Variants in SFI1 observed in about 807,000 individuals in gnomAD.
SFI1 encodes SFI1 centrin binding protein, also known as protein SFI1 homolog.
Under a neutral mutation model 207.5 loss-of-function variants are expected in SFI1, and 195 were observed. The observed-to-expected ratio is 0.94, with a 90% CI of 0.84 to 1.06. The LOEUF is 1.06. Among genes scored for constraint, SFI1 ranks in the 50% least tolerant of loss-of-function variants. SFI1 has a pLI of 0.00. For missense variants in SFI1, 1,634 were observed against 1,588.0 expected, an observed-to-expected ratio of 1.03 and a Z score of -0.49; for synonymous variants, 630 against 598.9, an observed-to-expected ratio of 1.05 and a Z score of -0.76.
At chr22:31,592,670 C>T (rs2066203949) in intron 15 of SFI1, among the ~76,000 whole-genome samples, 2 of 77,902 alleles carry the variant, frequency 2.6e-5, no homozygotes, top group South Asian at 5.1e-4. Context: ...GGCGGCTGGC[C>T]GGGCGGGGGG....
At chr22:31,589,384 C>T in intron 14 of SFI1, 63 bp from the exon 15 acceptor site, 1 of 1,410,290 alleles carries the variant, frequency 7.1e-7, no homozygotes, top group Non-Finnish European at 9.4e-7. Flanking sequence ...GGGTGTGACC[C>T]TGAGAGGTCA....
intron 1 of SFI1, among the ~76,000 whole-genome samples, chr22:31,498,168 A>G (rs1049901173): frequency 6.6e-6 from 1 of 152,054 alleles, no homozygotes; most frequent in African/African-American, 2.4e-5. Flanking sequence ...GGTGGCGGGC[A>G]CCCATAATCC....
chr22:31,501,159 A>G (rs571919369), intron 1 of SFI1, among the ~76,000 whole-genome samples: 2 of 149,944 alleles, frequency 1.3e-5, no homozygotes, highest in Non-Finnish European at 1.5e-5. Context: ...ACACTTAACT[A>G]CAAGTGTAGA....
chr22:31,576,603 G>T (rs538607084), intron 10 of SFI1, among the ~76,000 whole-genome samples: 4 of 152,032 alleles, frequency 2.6e-5, no homozygotes, highest in African/African-American at 9.6e-5. Context: ...TTACCGGCGT[G>T]AGCCACCGCG....
chr22:31,570,714 C>G (rs2062859486), intron 8 of SFI1, among the ~76,000 whole-genome samples: 1 of 151,830 alleles, frequency 6.6e-6, no homozygotes, highest in African/African-American at 2.4e-5. Flanking sequence ...CCAGCCTGGG[C>G]AACATAGAGA....
intron 2 of SFI1, among the ~76,000 whole-genome samples, chr22:31,525,265 T>C (rs2057772618): frequency 6.6e-6 from 1 of 152,210 alleles, no homozygotes; most frequent in Non-Finnish European, 1.5e-5. Context: ...CTCGTAGCTT[T>C]CTAGTTTTGG....
chr22:31,582,848 T>C (rs943381198), intron 12 of SFI1, among the ~76,000 whole-genome samples: 2 of 152,252 alleles, frequency 1.3e-5, no homozygotes, highest in African/African-American at 4.8e-5. Flanking sequence ...CTTAGCATAA[T>C]GTATACTTTT....
At chr22:31,547,406 G>C (rs1415846026) in intron 5 of SFI1, among the ~76,000 whole-genome samples, 1 of 152,170 alleles carries the variant, frequency 6.6e-6, no homozygotes, top group East Asian at 1.9e-4. Context: ...CGTCTCCTAG[G>C]TTCAAGCGAT....
chr22:31,546,214 G>C (rs1184531891), intron 4 of SFI1, among the ~76,000 whole-genome samples: 1 of 151,896 alleles, frequency 6.6e-6, no homozygotes, highest in East Asian at 1.9e-4. Context: ...ATGTTGCCCA[G>C]GTTGGTCTTG....
intron 11 of SFI1, 80 bp downstream of exon 11, chr22:31,578,532 C>G: frequency 7.6e-7 from 1 of 1,316,058 alleles, no homozygotes; most frequent in Non-Finnish European, 1.0e-6. Flanking sequence ...TGACCCCTAT[C>G]ACCTTCATTA....
chr22:31,548,833 A>G (rs2060351778), intron 5 of SFI1, among the ~76,000 whole-genome samples: 1 of 152,052 alleles, frequency 6.6e-6, no homozygotes, highest in African/African-American at 2.4e-5. Flanking sequence ...TCTTTTTTAA[A>G]TGAATGTTAA....
intron 8 of SFI1, 43 bp from the exon 9 acceptor site, chr22:31,573,015 T>C (rs762945213): frequency 2.6e-5 from 41 of 1,600,594 alleles, no homozygotes; most frequent in Non-Finnish European, 3.4e-5. Context: ...TCACCCTGTT[T>C]TCCTGCCTCT....
intron 1 of SFI1, among the ~76,000 whole-genome samples, chr22:31,497,911 A>C (rs545969996): frequency 6.6e-6 from 1 of 152,238 alleles, no homozygotes; most frequent in African/African-American, 2.4e-5. Flanking sequence ...CAAAGAGATT[A>C]ATGTTACTTT....
chr22:31,594,150 G>C (rs966669107), intron 15 of SFI1, among the ~76,000 whole-genome samples: 1 of 152,128 alleles, frequency 6.6e-6, no homozygotes, highest in African/African-American at 2.4e-5. Flanking sequence ...GTGGGACCTT[G>C]CCTCACCTTG....
chr22:31,547,443 T>C (rs1826883850), intron 5 of SFI1, among the ~76,000 whole-genome samples: 2 of 152,010 alleles, frequency 1.3e-5, no homozygotes, highest in South Asian at 2.1e-4. Context: ...CCCAAGTAAT[T>C]GGGATTACAG....
intron 2 of SFI1, among the ~76,000 whole-genome samples, chr22:31,513,840 A>G (rs1444648632): frequency 1.5e-5 from 2 of 135,480 alleles, no homozygotes; most frequent in Admixed American, 7.9e-5. Context: ...CAGCCTCCCA[A>G]AGTGCTGGGA....
chr22:31,583,042 A>G (rs1446708755), intron 12 of SFI1, among the ~76,000 whole-genome samples: 1 of 152,000 alleles, frequency 6.6e-6, no homozygotes, highest in Non-Finnish European at 1.5e-5. Flanking sequence ...TCCTGCCTCA[A>G]CCTCCTGAGG....
chr22:31,509,592 G>T (rs1002128494), intron 2 of SFI1, among the ~76,000 whole-genome samples: 2 of 152,166 alleles, frequency 1.3e-5, no homozygotes, highest in African/African-American at 4.8e-5. Context: ...CATTGTGGGT[G>T]GGTCTTCCTC....
intron 5 of SFI1, among the ~76,000 whole-genome samples, chr22:31,547,188 A>G (rs886489642): frequency 2.0e-5 from 3 of 151,912 alleles, no homozygotes; most frequent in Non-Finnish European, 4.4e-5. Context: ...CACCTCCCAC[A>G]CCTCTAATTC....
Sources: allele counts gnomAD v4.1 joint callset (sites outside exome capture counted in the v4.1 genomes callset), GRCh38; gene constraint gnomAD v4.1.1; transcripts MANE v1.5; gene names NCBI Gene and HGNC (gene_info 2026-07-23, HGNC 2026-07-21).